The following PXDNL variants were observed in gnomAD, a reference collection of about 807,000 sequenced individuals.
PXDNL encodes the protein peroxidasin like.
Under a neutral mutation model 150.8 loss-of-function variants are expected in PXDNL, and 145 were observed. The ratio of observed to expected loss-of-function variants is 0.96; its 90% CI spans 0.84 to 1.10. PXDNL has a LOEUF of 1.10. Among genes scored for constraint, PXDNL ranks in the 50% least tolerant of loss-of-function variants. The pLI is 0.00. For synonymous variants in PXDNL, 757 were observed against 725.7 expected, an observed-to-expected ratio of 1.04 and a Z score of -0.69; for missense variants, 2,087 against 1,873.9, an observed-to-expected ratio of 1.11 and a Z score of -2.10.
At chr8:51,619,423 G>GC (rs2130731514) in intron 2 of PXDNL, among the ~76,000 whole-genome samples, 1 of 152,298 alleles carries the variant, frequency 6.6e-6, no homozygotes, top group African/African-American at 2.4e-5. Flanking sequence ...GAGCAGACAG[G>GC]CCTTGCCAGG....
rs959511260 is a variant in PXDNL at position 51,404,437 on chromosome 8, A to G, written c.3557+3630T>C. 8.0e-5 allele frequency among the ~76,000 whole-genome samples: 12 copies of G among 149,630 alleles called. 1 individual carries two copies. Among genetic ancestry groups the G allele is most frequent in the African/African-American group, 3.1e-4 (12 of 39,138 alleles). On this transcript the variant is annotated intron_variant, in intron 17 of 22. Transcript: ENST00000356297. ...TTATAATCCCCTAGCTAGACATAAAAGTTCTCCAAGTCCCCACCAGATTAG... is the reference window on the plus strand; with the variant it reads ...TTATAATCCCCTAGCTAGACATAAAGGTTCTCCAAGTCCCCACCAGATTAG...
intron 2 of PXDNL, among the ~76,000 whole-genome samples, chr8:51,644,739 G>A (rs1814880118): frequency 6.6e-6 from 1 of 151,764 alleles, no homozygotes; most frequent in African/African-American, 2.4e-5. Context: ...TTACAGGTGT[G>A]AGTCACCGCG....
intron 2 of PXDNL, among the ~76,000 whole-genome samples, chr8:51,611,036 G>A (rs1813986866): frequency 6.6e-6 from 1 of 152,136 alleles, no homozygotes; most frequent in South Asian, 2.1e-4. Flanking sequence ...CATATGCAGA[G>A]GCCCCGTCCA....
chr8:51,715,524 CTGAGA>C (rs904599116), intron 1 of PXDNL, among the ~76,000 whole-genome samples: 3 of 152,196 alleles, frequency 2.0e-5, no homozygotes, highest in Non-Finnish European at 4.4e-5. Flanking sequence ...AGCTAAGTGA[CTGAGA>C]TAAGTGTTAA....
intron 4 of PXDNL, among the ~76,000 whole-genome samples, chr8:51,535,730 T>TAA (rs1226818228): frequency 3.7e-5 from 5 of 134,532 alleles, no homozygotes; most frequent in African/African-American, 9.3e-5. Context: ...AATAAATAAA[T>TAA]AAATAAATAA....
At chr8:51,748,955 C>A (rs146825988) in intron 1 of PXDNL, among the ~76,000 whole-genome samples, 90 of 152,324 alleles carry the variant, frequency 5.9e-4, no homozygotes, top group African/African-American at 2.2e-3. Context: ...TACCTATTGT[C>A]TCCTTCAAGT....
rs535533774 is a variant in PXDNL at position 51,437,161 on chromosome 8, ACT to A, written c.1525+9841_1525+9842del. On this transcript the variant is annotated intron_variant, in intron 12 of 22. Coordinates refer to ENST00000356297, the MANE Select transcript of PXDNL (RefSeq NM_144651.5). ...TAGATTAAACCAGGAAGAAATAGAAACTCTGAACAGACCAACAGTAAGTAGTG... is the reference window on the plus strand; with the variant it reads ...TAGATTAAACCAGGAAGAAATAGAAACTGAACAGACCAACAGTAAGTAGTG... Among the ~76,000 whole-genome samples, 18 of 152,284 alleles carry A rather than the reference ACT, an allele frequency of 1.2e-4. No homozygotes were observed. In the East Asian group the frequency reaches 3.5e-3, roughly 29 times the overall value.
intron 19 of PXDNL, among the ~76,000 whole-genome samples, chr8:51,368,545 T>C (rs2130774035): frequency 6.6e-6 from 1 of 152,258 alleles, no homozygotes; most frequent in Non-Finnish European, 1.5e-5. Flanking sequence ...AATAGCCCTG[T>C]TGAAAATAAA....
chr8:51,353,493 ATATT>A (rs1413909657), intron 19 of PXDNL, among the ~76,000 whole-genome samples: 1 of 152,106 alleles, frequency 6.6e-6, no homozygotes, highest in Admixed American at 6.5e-5. Flanking sequence ...TCTTGATAAA[ATATT>A]TATTTGGTCT....
Position 51,408,747 on chromosome 8 carries a change from G to C in PXDNL, c.2877C>G (p.His959Gln). ...QESPCFLAGD[H>Q]RANEHLALAA... Reference sequence around the variant, plus strand: ...CCAGAGCCAGATGCTCGTTGGCCCGGTGGTCCCCGGCCAGGAAACAGGGGC... The same window carrying C: ...CCAGAGCCAGATGCTCGTTGGCCCGCTGGTCCCCGGCCAGGAAACAGGGGC... Residue 959 changes from histidine to glutamine, a missense_variant, in exon 17 of 23, where the codon CAC (histidine) becomes CAG (glutamine). His to Gln is a conservative substitution (Grantham distance 24). Coordinates refer to ENST00000356297, the MANE Select transcript of PXDNL (RefSeq NM_144651.5). 1.3e-6 allele frequency: 2 copies of C among 1,586,098 alleles called. No homozygotes were observed. The highest frequency in any genetic ancestry group is 1.7e-6 in the Non-Finnish European group (2 of 1,166,160).
At chr8:51,598,017 G>T (rs1255212591) in intron 2 of PXDNL, among the ~76,000 whole-genome samples, 1 of 151,976 alleles carries the variant, frequency 6.6e-6, no homozygotes, top group Non-Finnish European at 1.5e-5. Context: ...TCTGGCCTAG[G>T]ATTGCACTCT....
At chr8:51,718,679 A>G (rs1455123675) in intron 1 of PXDNL, among the ~76,000 whole-genome samples, 2 of 152,170 alleles carry the variant, frequency 1.3e-5, no homozygotes, top group Non-Finnish European at 2.9e-5. Context: ...CCTGTGCTAT[A>G]AAACTCAAAG....
intron 18 of PXDNL, among the ~76,000 whole-genome samples, chr8:51,373,131 T>TTTA (rs1563379496): frequency 6.6e-6 from 1 of 152,106 alleles, no homozygotes; most frequent in Non-Finnish European, 1.5e-5. Flanking sequence ...GGCCTTTACA[T>TTTA]AGGTATTTAA....
At chr8:51,446,243 G>A (rs1037122216) in intron 12 of PXDNL, among the ~76,000 whole-genome samples, 4 of 152,084 alleles carry the variant, frequency 2.6e-5, no homozygotes, top group African/African-American at 9.7e-5. Flanking sequence ...ATCAATATAT[G>A]TTACCTCTGA....
chr8:51,325,188 A>G (rs1805445700), intron 21 of PXDNL, among the ~76,000 whole-genome samples: 1 of 152,218 alleles, frequency 6.6e-6, no homozygotes, highest in South Asian at 2.1e-4. Flanking sequence ...AATCTTTTTC[A>G]GATAACTGCA....
chr8:51,576,180 A>G (rs942929015), intron 3 of PXDNL, among the ~76,000 whole-genome samples: 14 of 147,458 alleles, frequency 9.5e-5, no homozygotes, highest in Admixed American at 4.8e-4. Flanking sequence ...TCTAACTCAC[A>G]TTATTAGAAC....
At chr8:51,595,001 A>C (rs773584386) in intron 2 of PXDNL, among the ~76,000 whole-genome samples, 8 of 152,164 alleles carry the variant, frequency 5.3e-5, no homozygotes, top group Non-Finnish European at 1.2e-4. Context: ...CAAAGGAACA[A>C]AACAAAACAA....
intron 1 of PXDNL, among the ~76,000 whole-genome samples, chr8:51,770,426 G>T (rs2037280457): frequency 1.3e-5 from 2 of 152,220 alleles, no homozygotes; most frequent in African/African-American, 4.8e-5. Context: ...AGCTGGAGGG[G>T]CTCAGCATGG....
rs369821691 is a variant in PXDNL, at chr8:51,809,186, T to C, written c.159A>G (p.Thr53=). The C allele has an allele frequency of 1.9e-6, 3 of 1,613,618 alleles. No homozygotes were observed. Among genetic ancestry groups the C allele is most frequent in the Admixed American group, 3.3e-5 (2 of 59,980 alleles). Residue 53 remains threonine, a synonymous_variant, in exon 1 of 23, where the codon ACA becomes ACG. Coordinates refer to ENST00000356297, the MANE Select transcript of PXDNL (RefSeq NM_144651.5). ...DHIPQVPQQT[T]VLDLRFNRIR... ...GGGAATTTATGTGAACTTACAGAAC[T>C]GTGGTCTGCTGTGGTACCTGAGGAA...
Sources: gnomAD v4.1 joint callset for allele counts (sites outside exome capture counted in the v4.1 genomes callset) on GRCh38, gnomAD v4.1.1 for gene constraint, MANE v1.5 for transcripts, NCBI Gene and HGNC (gene_info 2026-07-23, HGNC 2026-07-21) for gene names.